Variants in CYTH3 observed in about 807,000 individuals in gnomAD.
CYTH3 encodes cytohesin-3.
In CYTH3, 23 loss-of-function variants were observed where a neutral mutation model predicts 55.1. The observed-to-expected ratio is 0.42, with a 90% CI of 0.30 to 0.59. The LOEUF is 0.59. Ranked by LOEUF, CYTH3 falls within the 20% of genes least tolerant of loss-of-function variation. CYTH3 has a pLI of 0.20. For missense variants in CYTH3, 413 were observed against 524.8 expected, an observed-to-expected ratio of 0.79 and a Z score of 2.08; for synonymous variants, 249 against 194.9, an observed-to-expected ratio of 1.28 and a Z score of -2.31.
intron 3 of CYTH3, among the ~76,000 whole-genome samples, 175 bp downstream of exon 3, chr7:6,187,482 C>A (rs1001751620): frequency 1.3e-5 from 2 of 152,118 alleles, no homozygotes; most frequent in Non-Finnish European, 2.9e-5. Flanking sequence ...AGGTAACATC[C>A]AGGGAAACAC....
chr7:6,226,199 T>G (rs988391672), intron 1 of CYTH3, among the ~76,000 whole-genome samples: 1 of 152,170 alleles, frequency 6.6e-6, no homozygotes, highest in East Asian at 1.9e-4. Context: ...CTGAGAGGTC[T>G]CCCTAAAGAT....
intron 1 of CYTH3, among the ~76,000 whole-genome samples, chr7:6,200,578 G>A (rs775429381): frequency 2.6e-5 from 4 of 152,166 alleles, no homozygotes; most frequent in Non-Finnish European, 5.9e-5. Context: ...GTGATATGGA[G>A]CTTTTTAGAT....
Position 6,162,372 on chromosome 7 carries a change from CTT to C in CYTH3, c.*2570_*2571del, listed in dbSNP as rs2128533880. 6.6e-6 allele frequency: 1 copy of C among 152,420 alleles called. No individual in the cohort carries two copies. Among genetic ancestry groups the C allele is most frequent in the South Asian group, 2.1e-4 (1 of 4,830 alleles). The allele number at this position is 152,420 out of a possible 1,614,324, so 9.4% of individuals were successfully genotyped here. ...GGCCTCTGTCTCTGGAAAAAAGTAT[CTT>C]TGGCCAGAGTTGGGACTAACAATTC... On this transcript the variant is annotated 3_prime_UTR_variant, in exon 13 of 13. Transcript: ENST00000350796.
At chr7:6,248,876 G>A (rs1048654303) in intron 1 of CYTH3, among the ~76,000 whole-genome samples, 2 of 152,170 alleles carry the variant, frequency 1.3e-5, no homozygotes, top group African/African-American at 4.8e-5. Context: ...ATGGGGATCT[G>A]GTGATTCAAG....
intron 1 of CYTH3, among the ~76,000 whole-genome samples, chr7:6,226,708 C>G (rs1779261105): frequency 6.6e-6 from 1 of 152,186 alleles, no homozygotes; most frequent in African/African-American, 2.4e-5. Context: ...ATCTCAAAGG[C>G]TGTAAGAACT....
At chr7:6,235,083 C>T (rs930326283) in intron 1 of CYTH3, among the ~76,000 whole-genome samples, 1 of 152,180 alleles carries the variant, frequency 6.6e-6, no homozygotes, top group African/African-American at 2.4e-5. Flanking sequence ...GCTCCTTTGC[C>T]ATGCGCATGT....
intron 1 of CYTH3, among the ~76,000 whole-genome samples, chr7:6,259,128 A>G (rs1206248103): frequency 6.6e-6 from 1 of 152,248 alleles, no homozygotes; most frequent in East Asian, 1.9e-4. Context: ...TTCTCATGAA[A>G]GTGAATTATA....
intron 5 of CYTH3, among the ~76,000 whole-genome samples, chr7:6,176,510 C>G (rs1450352641): frequency 6.6e-6 from 1 of 152,094 alleles, no homozygotes; most frequent in Non-Finnish European, 1.5e-5. Context: ...ATCTGCCCAC[C>G]TCGGCCTCCC....
rs141188921 is a variant in CYTH3 at position 6,230,534 on chromosome 7, T to C, written c.35-40003A>G. ...AATTCTGTGTCTTAGGGGACTGAAATTACAACAGGAAGAATAATCATCACA... is the reference window on the plus strand; with the variant it reads ...AATTCTGTGTCTTAGGGGACTGAAACTACAACAGGAAGAATAATCATCACA... On this transcript the variant is annotated intron_variant, in intron 1 of 12. Coordinates refer to ENST00000350796, the MANE Select transcript of CYTH3 (RefSeq NM_004227.4). Among the ~76,000 whole-genome samples the C allele has an allele frequency of 6.6e-3, 1,003 of 152,256 alleles. 12 individuals are homozygous for C. The highest frequency in any genetic ancestry group is 0.023 in the African/African-American group (952 of 41,526).
intron 1 of CYTH3, among the ~76,000 whole-genome samples, chr7:6,218,654 G>A (rs901699082): frequency 6.6e-6 from 1 of 152,162 alleles, no homozygotes. Context: ...TAATTTTGAA[G>A]ATGACGATAC....
At chr7:6,216,691 A>G (rs1784433879) in intron 1 of CYTH3, among the ~76,000 whole-genome samples, 1 of 152,020 alleles carries the variant, frequency 6.6e-6, no homozygotes, top group African/African-American at 2.4e-5. Flanking sequence ...CAGTCAGCCA[A>G]GATCACACTA....
intron 1 of CYTH3, among the ~76,000 whole-genome samples, chr7:6,222,343 C>A (rs563002341): frequency 1.3e-5 from 2 of 152,192 alleles, no homozygotes; most frequent in Non-Finnish European, 2.9e-5. Flanking sequence ...GCAAGTGCCT[C>A]GTGTTCCCCC....
intron 1 of CYTH3, among the ~76,000 whole-genome samples, chr7:6,237,847 C>A (rs771175301): frequency 3.3e-5 from 5 of 152,162 alleles, no homozygotes; most frequent in Admixed American, 6.5e-5. Context: ...TACTCTCTTC[C>A]TGTAAGTCTC....
intron 6 of CYTH3, chr7:6,172,863 A>G (rs888589741): frequency 1.6e-6 from 2 of 1,268,816 alleles, no homozygotes; most frequent in African/African-American, 1.5e-5. Context: ...TGTGAGCACA[A>G]CATCACGAGG....
intron 12 of CYTH3, 71 bp from the exon 13 acceptor site, chr7:6,165,087 C>T (rs892910059): frequency 1.2e-6 from 2 of 1,601,594 alleles, no homozygotes; most frequent in Non-Finnish European, 1.7e-6. Flanking sequence ...CCACCAGCCC[C>T]AGAGGCCCCT....
chr7:6,257,559 T>C (rs1780160184), intron 1 of CYTH3, among the ~76,000 whole-genome samples: 1 of 110,976 alleles, frequency 9.0e-6, no homozygotes, highest in Non-Finnish European at 2.2e-5. Context: ...CGAAAACGTA[T>C]TTTGTTTTAT....
At chr7:6,227,188 G>A (rs1199068611) in intron 1 of CYTH3, among the ~76,000 whole-genome samples, 2 of 151,178 alleles carry the variant, frequency 1.3e-5, no homozygotes, top group African/African-American at 4.9e-5. Context: ...ATCACCAACA[G>A]CCCAGAGATG....
chr7:6,268,212 A>C (rs1024198339), intron 1 of CYTH3, among the ~76,000 whole-genome samples: 3 of 152,164 alleles, frequency 2.0e-5, no homozygotes, highest in South Asian at 4.2e-4. Flanking sequence ...TCTGTTGCCC[A>C]GACTGGAATG....
intron 1 of CYTH3, among the ~76,000 whole-genome samples, chr7:6,196,456 C>CT (rs5882084): frequency 0.011 from 1,251 of 113,942 alleles, 15 homozygotes; most frequent in East Asian, 0.05. Flanking sequence ...TTCTTTTTTT[C>CT]TTTTTTTTTT....
Sources: gnomAD v4.1 joint callset for allele counts (sites outside exome capture counted in the v4.1 genomes callset) on GRCh38, gnomAD v4.1.1 for gene constraint, MANE v1.5 for transcripts, NCBI Gene and HGNC (gene_info 2026-07-23, HGNC 2026-07-21) for gene names.